CDC25B: variants seen among roughly 807,000 people sequenced by gnomAD.
The protein encoded by CDC25B is cell division cycle 25B, also known as M-phase inducer phosphatase 2.
CDC25B carries 33 observed loss-of-function variants against 69.8 expected under a neutral mutation model. The ratio of observed to expected loss-of-function variants is 0.47; its 90% confidence interval spans 0.36 to 0.63. The LOEUF (loss-of-function observed/expected upper bound fraction) is 0.63, where lower values mean the gene tolerates loss of function less well. Among genes scored for constraint, CDC25B ranks in the 30% least tolerant of loss-of-function variants. CDC25B has a pLI of 0.00. For synonymous variants in CDC25B, 341 were observed against 314.6 expected (o/e 1.08, Z -0.89); for missense variants, 727 against 809.1 (o/e 0.90, Z 1.23).
upstream of CDC25B, among the ~76,000 whole-genome samples, chr20:3,793,468 C>CA (rs1207436588): frequency 6.7e-6 from 1 of 150,076 alleles, no homozygotes; most frequent in Non-Finnish European, 1.5e-5. Flanking sequence ...AACAAACAAA[C>CA]AAAAAAACCC....
Position 3,797,615 on chromosome 20 carries a change from T to G in CDC25B, c.201-7T>G. 6.2e-7 allele frequency: 1 copy of G among 1,614,044 alleles called. No individual in the cohort carries two copies. Among genetic ancestry groups the G allele is most frequent in the Non-Finnish European group, 8.5e-7 (1 of 1,179,990 alleles). On this transcript the variant is annotated splice_region_variant and splice_polypyrimidine_tract_variant and intron_variant, in intron 1 of 15. Transcript: ENST00000245960. ...TCTCCTTTCCCGGGTCCCTGTTCCC[T>G]TCCCAGCGAAACCCCAAAGAGTCAG...
intron 3 of CDC25B, among the ~76,000 whole-genome samples, chr20:3,799,527 C>CGT (rs1555774254): frequency 0.041 from 1,349 of 33,024 alleles, 30 homozygotes; most frequent in African/African-American, 0.12. Flanking sequence ...TGTGTGTGTG[C>CGT]GCGCGCGCGC....
Position 3,802,310 on chromosome 20 carries a change from GTGTCACGA to G in CDC25B, c.1131_1138del (p.Cys377Ter). 1 of 1,610,654 alleles carries G rather than the reference GTGTCACGA, an allele frequency of 6.2e-7. No individual in the cohort carries two copies. The highest frequency in any genetic ancestry group is 8.5e-7 in the Non-Finnish European group (1 of 1,179,948). ...CCCGCGTCCTCCGCTCAAAATCACT[GTGTCACGA>G]TGAGATCGAGAACCTCCTGGACAGT... On this transcript the variant is annotated frameshift_variant, in exon 11 of 16. Coordinates refer to ENST00000245960, the MANE Select transcript of CDC25B (RefSeq NM_021873.4). LOFTEE classifies it high-confidence loss of function.
chr20:3,804,448 T>C, intron 14 of CDC25B, 121 bp from the exon 15 acceptor site: 1 of 677,314 alleles, frequency 1.5e-6, no homozygotes, highest in African/African-American at 1.8e-5. Flanking sequence ...TACATTCCTG[T>C]GCTCTAAAGC....
intron 1 of CDC25B, among the ~76,000 whole-genome samples, chr20:3,788,325 C>G (rs2088859638): frequency 6.6e-6 from 1 of 152,182 alleles, no homozygotes; most frequent in African/African-American, 2.4e-5. Flanking sequence ...TGTGAATTTT[C>G]TAGTCATATC....
chr20:3,790,267 C>CA (rs879722823), intron 1 of CDC25B, among the ~76,000 whole-genome samples: 75 of 111,112 alleles, frequency 6.7e-4, no homozygotes, highest in East Asian at 3.1e-3. Flanking sequence ...GACTCTGTCT[C>CA]AAAAAAAAAA....
Position 3,803,628 on chromosome 20 carries a change from G to A in CDC25B, c.1490+91G>A, listed in dbSNP as rs2146703265. 3 of 1,541,252 alleles carry A rather than the reference G, an allele frequency of 1.9e-6. No homozygotes were observed. The East Asian group carries it at 6.8e-5, about 35-fold the overall frequency. ...GCTGGCACCATTGAGATGGCCAGGGGTGCAAGTCCAGGTCCTCCTCTGTCC... is the reference window on the plus strand; with the variant it reads ...GCTGGCACCATTGAGATGGCCAGGGATGCAAGTCCAGGTCCTCCTCTGTCC... On this transcript the variant is annotated intron_variant, in intron 14 of 15. Coordinates refer to ENST00000245960, the MANE Select transcript of CDC25B (RefSeq NM_021873.4). This position sits in a 1 kb window ranked among gnomAD's most constrained non-coding sequence, Gnocchi z 4.9.
At chr20:3,800,908 GA>G in intron 6 of CDC25B, 43 bp downstream of exon 6, 1 of 1,612,730 alleles carries the variant, frequency 6.2e-7, no homozygotes, top group East Asian at 2.2e-5. Flanking sequence ...CCGGGAAGAG[GA>G]GGGGGCATGC....
chr20:3,795,327 C>A (rs2088998533), upstream of CDC25B, among the ~76,000 whole-genome samples: 1 of 151,586 alleles, frequency 6.6e-6, no homozygotes, highest in South Asian at 2.1e-4. Flanking sequence ...CCACTGCACT[C>A]CAGCCGGGTT....
Position 3,800,853 on chromosome 20 carries a change from A to C in CDC25B, c.570A>C (p.Glu190Asp), listed in dbSNP as rs755182399. Residue 190 changes from glutamate to aspartate, a missense_variant, in exon 6 of 16, where the codon GAA becomes GAC. Glu to Asp is a conservative substitution (Grantham distance 45). Around this residue, in one of 2 missense-constraint regions of CDC25B, gnomAD observed 368 missense variants for 345.6 expected, o/e 1.06. Transcript: ENST00000245960. ...AGSGAASSSG[E>D]DKENDGFVFK... ...GTGGAGCTGCCAGCAGCTCTGGGGA[A>C]GACAAGGAGAATGTGCGCTTCTGGA... 2 of 1,613,840 alleles carry C rather than the reference A, an allele frequency of 1.2e-6. No individual in the cohort carries two copies. Among genetic ancestry groups the C allele is most frequent in the Admixed American group, 3.3e-5 (2 of 60,002 alleles).
chr20:3,802,001 C>T lies in CDC25B; in HGVS notation c.999C>T (p.Leu333=), dbSNP rs753754083. ...CCTGCAGCGTGATCCGGCCCATCCT[C>T]AAGAGGCTGGAGCGGCCCCAGGACA... ...SMPCSVIRPI[L]KRLERPQDRD... is the part of the protein sequence containing the mutation. Residue 333 remains leucine (L), a synonymous_variant, in exon 10 of 16, where the codon CTC becomes CTT. Coordinates refer to ENST00000245960, the MANE Select transcript of CDC25B (RefSeq NM_021873.4). The T allele has an allele frequency of 2.1e-5, 33 of 1,605,612 alleles. No homozygotes were observed. Among genetic ancestry groups the T allele is most frequent in the African/African-American group, 2.7e-5 (2 of 74,600 alleles).
chr20:3,802,852 T>C, intron 11 of CDC25B, 58 bp from the exon 12 acceptor site: 1 of 1,388,672 alleles, frequency 7.2e-7, no homozygotes, highest in Non-Finnish European at 1.0e-6. Context: ...TCTTTGAGGC[T>C]CCTGGTCTTA....
intron 3 of CDC25B, among the ~76,000 whole-genome samples, chr20:3,799,515 T>TGC (rs1322856269): frequency 6.5e-5 from 4 of 61,744 alleles, no homozygotes; most frequent in African/African-American, 1.4e-4. Flanking sequence ...TGTGTGTGTG[T>TGC]GTGTGTGTGT....
At position 3,802,276 on chromosome 20, in the gene CDC25B, T is replaced by A; in HGVS notation, c.1099-5T>A. ...ACCCTGGCCTCCATCTGACTCACTT[T>A]CCAGAAAGCCCGCGTCCTCCGCTCA... On this transcript the variant is annotated splice_polypyrimidine_tract_variant and splice_region_variant and intron_variant, in intron 10 of 15. Transcript: ENST00000245960. The A allele has an allele frequency of 6.2e-7, 1 of 1,610,634 alleles. No homozygotes were observed. The highest frequency in any genetic ancestry group is 8.5e-7 in the Non-Finnish European group (1 of 1,179,532).
rs2146710215 is a variant in CDC25B, at chr20:3,804,972, C to T, written c.*11C>T. On this transcript the variant is annotated 3_prime_UTR_variant, in exon 16 of 16. Transcript: ENST00000245960. Reference sequence around the variant, plus strand: ...CTGCAGGACCAGTGAGGGGCCTGCGCCAGTCCTGCTACCTCCCTTGCCTTT... The same window carrying T: ...CTGCAGGACCAGTGAGGGGCCTGCGTCAGTCCTGCTACCTCCCTTGCCTTT... The T allele has an allele frequency of 1.2e-6, 2 of 1,609,598 alleles. No individual in the cohort carries two copies. The highest frequency in any genetic ancestry group is 8.5e-7 in the Non-Finnish European group (1 of 1,179,442).
chr20:3,797,589 T>G, intron 1 of CDC25B, 33 bp from the exon 2 acceptor site: 2 of 1,612,824 alleles, frequency 1.2e-6, no homozygotes, highest in Middle Eastern at 1.7e-4. Flanking sequence ...ACGTTTACCT[T>G]TCTCCTTTCC....
At chr20:3,794,460 G>C (rs371437591), upstream of CDC25B, among the ~76,000 whole-genome samples, 1 of 136,612 alleles carries the variant, frequency 7.3e-6, no homozygotes, top group African/African-American at 2.7e-5. Context: ...TTGGCTGGGT[G>C]GGGGGTGGGG....
chr20:3,795,165 G>A (rs2088993063), upstream of CDC25B, among the ~76,000 whole-genome samples: 1 of 152,108 alleles, frequency 6.6e-6, no homozygotes, highest in Non-Finnish European at 1.5e-5. Flanking sequence ...TTCGAGACCA[G>A]CCTGGCCAAT....
chr20:3,800,882 C>A lies in CDC25B; in HGVS notation c.582+17C>A, dbSNP rs772425364. The stretch of plus-strand genomic sequence containing the variant: ...AAGGAGAATGTGCGCTTCTGGAAGG[C>A]CGGGGTGGGAGCTCTCCGGGAAGAG... On this transcript the variant is annotated intron_variant, in intron 6 of 15. Transcript: ENST00000245960. 4.3e-6 allele frequency: 7 copies of A among 1,613,440 alleles called. No individual in the cohort carries two copies. Among genetic ancestry groups the A allele is most frequent in the Non-Finnish European group, 5.9e-6 (7 of 1,179,632 alleles).
Sources: gnomAD v4.1 joint callset for allele counts (sites outside exome capture counted in the v4.1 genomes callset) on GRCh38, gnomAD v4.1.1 for gene constraint, gnomAD v4.1.1 regional missense constraint, Gnocchi (gnomAD v3.1) non-coding constraint, MANE v1.5 for transcripts, NCBI Gene and HGNC (gene_info 2026-07-23, HGNC 2026-07-21) for gene names.